The following SEMA6D variants were observed in gnomAD, a reference collection of about 807,000 sequenced individuals.
SEMA6D encodes semaphorin 6D.
In SEMA6D, 35 loss-of-function variants were observed where a neutral mutation model predicts 106.6. The observed-to-expected ratio is 0.33, with a 90% CI of 0.25 to 0.44. The LOEUF is 0.44. Ranked by LOEUF, SEMA6D falls within the 20% of genes least tolerant of loss-of-function variation. The pLI, the probability that SEMA6D is intolerant of heterozygous loss-of-function variation, is 1.00. For synonymous variants in SEMA6D, 499 were observed against 487.7 expected (o/e 1.02, Z -0.31); for missense variants, 1,185 against 1,345.9 (o/e 0.88, Z 1.87).
At chr15:47,332,991 C>T (rs1248604720) in intron 1 of SEMA6D, among the ~76,000 whole-genome samples, 1 of 152,078 alleles carries the variant, frequency 6.6e-6, no homozygotes, top group East Asian at 1.9e-4. Flanking sequence ...CACAGCTCAA[C>T]AGAATCAAAC....
In SEMA6D at chr15:47,314,597, CAAAAAAAA is replaced by C. The variant is rs764929520; in HGVS notation, c.-238-97782_-238-97775del. On this transcript the variant is annotated intron_variant, in intron 1 of 19. Coordinates refer to the SEMA6D transcript ENST00000558014. ...TGGGCGACAGAGCGAGACTCCATCTCAAAAAAAAAAAAAAAAAAAAAGAATTCTTTGTA... is the reference window on the plus strand; with the variant it reads ...TGGGCGACAGAGCGAGACTCCATCTCAAAAAAAAAAAAAGAATTCTTTGTA... Among the ~76,000 whole-genome samples, 4 of 24,302 alleles carry C rather than the reference CAAAAAAAA, an allele frequency of 1.6e-4. 1 individual carries two copies. The highest frequency in any genetic ancestry group is 3.9e-3 in the South Asian group (2 of 508). 15.9% of individuals were successfully genotyped at this position (24,302 alleles called of 152,430 possible).
At chr15:47,444,475 AG>A (rs80007579) in intron 2 of SEMA6D, among the ~76,000 whole-genome samples, 29,674 of 152,048 alleles carry the variant, frequency 0.2, 3,249 homozygotes, top group South Asian at 0.37. Flanking sequence ...TCAAGGATGA[AG>A]GCTGCTTTGC....
intron 1 of SEMA6D, among the ~76,000 whole-genome samples, chr15:47,203,375 C>A (rs1051960035): frequency 6.6e-6 from 1 of 152,122 alleles, no homozygotes; most frequent in Non-Finnish European, 1.5e-5. Flanking sequence ...TAGGAAAGAT[C>A]AATCACTGGA....
chr15:47,713,218 G>C (rs1270540432), upstream of SEMA6D, among the ~76,000 whole-genome samples: 1 of 152,078 alleles, frequency 6.6e-6, no homozygotes, highest in Non-Finnish European at 1.5e-5. Flanking sequence ...TTTCCTCAGA[G>C]TGTAGAGCAA....
intron 1 of SEMA6D, among the ~76,000 whole-genome samples, chr15:47,407,190 T>C (rs972051696): frequency 2.6e-5 from 4 of 151,622 alleles, no homozygotes. Context: ...GGTGAAACCA[T>C]GTCTCTACTG....
At chr15:47,221,273 T>C (rs945306306) in intron 1 of SEMA6D, among the ~76,000 whole-genome samples, 1 of 152,228 alleles carries the variant, frequency 6.6e-6, no homozygotes, top group Admixed American at 6.5e-5. Flanking sequence ...TGAATATAGC[T>C]CTTGCAGAGC....
upstream of SEMA6D, among the ~76,000 whole-genome samples, chr15:47,716,122 C>T (rs149235070): frequency 5.9e-5 from 9 of 152,296 alleles, no homozygotes; most frequent in African/African-American, 2.2e-4. Context: ...AAAAAAATCA[C>T]AGAGCTGTGT....
chr15:47,506,235 C>T (rs2044033375), intron 3 of SEMA6D, among the ~76,000 whole-genome samples: 1 of 152,012 alleles, frequency 6.6e-6, no homozygotes, highest in Admixed American at 6.6e-5. Context: ...CAATTTTATC[C>T]CTGTGCTTCA....
intron 4 of SEMA6D, among the ~76,000 whole-genome samples, chr15:47,693,898 G>A (rs953711103): frequency 2.0e-5 from 3 of 151,988 alleles, no homozygotes; most frequent in East Asian, 1.9e-4. Flanking sequence ...AGCCGTGATC[G>A]CACCACGACA....
intron 1 of SEMA6D, among the ~76,000 whole-genome samples, chr15:47,252,064 C>T (rs569924794): frequency 6.7e-6 from 1 of 149,210 alleles, no homozygotes; most frequent in Non-Finnish European, 1.5e-5. Context: ...TACAGGCGCC[C>T]GCTACCACGC....
chr15:47,468,059 G>A (rs1461592084), intron 2 of SEMA6D, among the ~76,000 whole-genome samples: 1 of 152,128 alleles, frequency 6.6e-6, no homozygotes, highest in African/African-American at 2.4e-5. Flanking sequence ...TTATGCCACT[G>A]ATTGTCACTT....
intron 2 of SEMA6D, among the ~76,000 whole-genome samples, chr15:47,422,519 T>A (rs2041204597): frequency 6.6e-6 from 1 of 152,066 alleles, no homozygotes; most frequent in Admixed American, 6.6e-5. Flanking sequence ...AGAGGCTTTA[T>A]CCAACTTTTG....
intron 4 of SEMA6D, among the ~76,000 whole-genome samples, chr15:47,606,819 TG>T (rs1419799220): frequency 1.3e-5 from 2 of 152,214 alleles, no homozygotes; most frequent in African/African-American, 4.8e-5. Flanking sequence ...AACAAAAGCT[TG>T]CTTGAAATTC....
chr15:47,251,355 C>G (rs763307821), intron 1 of SEMA6D, among the ~76,000 whole-genome samples: 16 of 152,150 alleles, frequency 1.1e-4, no homozygotes, highest in Non-Finnish European at 1.8e-4. Context: ...AATCTTGTTT[C>G]TAGAGCATGG....
At chr15:47,558,314 C>T (rs1291032478) in intron 3 of SEMA6D, among the ~76,000 whole-genome samples, 2 of 151,988 alleles carry the variant, frequency 1.3e-5, no homozygotes, top group African/African-American at 4.8e-5. Flanking sequence ...CCAAGATATT[C>T]TGCCAATGAG....
At chr15:47,346,645 A>T (rs992954858) in intron 1 of SEMA6D, among the ~76,000 whole-genome samples, 1 of 152,224 alleles carries the variant, frequency 6.6e-6, no homozygotes, top group Admixed American at 6.5e-5. Context: ...ACATAGTAAG[A>T]GCCGAAGAAA....
At chr15:47,302,816 G>A (rs2036074772) in intron 1 of SEMA6D, among the ~76,000 whole-genome samples, 1 of 152,210 alleles carries the variant, frequency 6.6e-6, no homozygotes, top group Non-Finnish European at 1.5e-5. Flanking sequence ...TGTCAATGGA[G>A]CTTGATTTTA....
intron 1 of SEMA6D, among the ~76,000 whole-genome samples, chr15:47,227,533 T>C (rs62013978): frequency 0.012 from 1,670 of 140,546 alleles, 46 homozygotes; most frequent in Admixed American, 0.013. Context: ...TTCTTCCTCT[T>C]TCTCCTCTTT....
At chr15:47,296,948 T>C (rs1051541636) in intron 1 of SEMA6D, among the ~76,000 whole-genome samples, 3 of 152,104 alleles carry the variant, frequency 2.0e-5, no homozygotes, top group African/African-American at 7.2e-5. Flanking sequence ...AAAAGGAAAA[T>C]AAAATGGCTG....
Sources: gnomAD v4.1 joint callset for allele counts (sites outside exome capture counted in the v4.1 genomes callset) on GRCh38, gnomAD v4.1.1 for gene constraint, MANE v1.5 for transcripts, NCBI Gene and HGNC (gene_info 2026-07-23, HGNC 2026-07-21) for gene names.